The following ARAP2 variants were observed in gnomAD, a reference collection of about 807,000 sequenced individuals.
ARAP2 encodes ArfGAP with RhoGAP domain, ankyrin repeat and PH domain 2.
A neutral mutation model predicts 194.5 loss-of-function variants in ARAP2; 148 were observed. The ratio of observed to expected loss-of-function variants is 0.76; its 90% CI spans 0.67 to 0.87. The LOEUF (loss-of-function observed/expected upper bound fraction) is 0.87, where lower values mean the gene tolerates loss of function less well. ARAP2 is among the 40% of genes least tolerant of loss of function. The pLI is 0.00. For synonymous variants in ARAP2, 695 were observed against 683.5 expected, an observed-to-expected ratio of 1.02 and a Z score of -0.26; for missense variants, 2,128 against 1,989.7, an observed-to-expected ratio of 1.07 and a Z score of -1.32.
intron 27 of ARAP2, 71 bp downstream of exon 27, chr4:36,107,494 G>T: frequency 6.9e-7 from 1 of 1,444,574 alleles, no homozygotes; most frequent in Non-Finnish European, 9.3e-7. Flanking sequence ...AATATTACTT[G>T]TGCCATATTA....
chr4:36,153,657 G>A (rs1440368087), intron 15 of ARAP2, among the ~76,000 whole-genome samples: 1 of 152,182 alleles, frequency 6.6e-6, no homozygotes, highest in Non-Finnish European at 1.5e-5. Context: ...GAACTCCCCA[G>A]AGGTGACCCA....
chr4:36,067,981 C>T lies in ARAP2; in HGVS notation c.5041G>A (p.Glu1681Lys). 2 of 1,614,128 alleles carry T rather than the reference C, an allele frequency of 1.2e-6. No homozygotes were observed. Among genetic ancestry groups the T allele is most frequent in the Non-Finnish European group, 8.5e-7 (1 of 1,179,968 alleles). The change falls in exon 33 of 33, where the codon GAA becomes AAA. Residue 1681 changes from glutamate to lysine, a missense_variant. Physicochemically the swap from Glu to Lys is moderately conservative, Grantham distance 56 (BLOSUM62 1). Coordinates refer to ENST00000303965, the MANE Select transcript of ARAP2 (RefSeq NM_015230.4). ...CGTTGTAGAACCACATTAAGTTCTTCAATTACCCTTGATGGTAACTTATGA... is the reference window on the plus strand; with the variant it reads ...CGTTGTAGAACCACATTAAGTTCTTTAATTACCCTTGATGGTAACTTATGA... ...SDHKLPSRVI[E>K]ELNVVLQRSR...
At chr4:36,182,471 G>C (rs932361887) in intron 8 of ARAP2, among the ~76,000 whole-genome samples, 1 of 151,160 alleles carries the variant, frequency 6.6e-6, no homozygotes, top group Non-Finnish European at 1.5e-5. Flanking sequence ...ACTCCAGCCT[G>C]TGTGACAGAG....
chr4:36,180,275 C>T (rs574283528), intron 8 of ARAP2, among the ~76,000 whole-genome samples: 6 of 151,766 alleles, frequency 4.0e-5, no homozygotes, highest in South Asian at 2.1e-4. Flanking sequence ...TTCGTCCCCC[C>T]GCTCCCCCGC....
intron 10 of ARAP2, 38 bp downstream of exon 10, chr4:36,166,894 A>G (rs1360541286): frequency 6.1e-6 from 8 of 1,320,484 alleles, no homozygotes; most frequent in Non-Finnish European, 8.5e-6. Context: ...AAGCTTTCCT[A>G]TAGTAGTACG....
In ARAP2 at chr4:36,118,797, T is replaced by C. The variant is rs1005666308; in HGVS notation, c.3963+853A>G. Among the ~76,000 whole-genome samples, 20 of 151,458 alleles carry C rather than the reference T, an allele frequency of 1.3e-4. 1 individual carries two copies. The highest frequency in any genetic ancestry group is 4.4e-4 in the African/African-American group (18 of 41,376). On this transcript the variant is annotated intron_variant, in intron 24 of 32. Transcript: ENST00000303965. ...GCTGCATAATTACTCTGGGTCAAAATGGAGAAAATAATTCATTAATATCAT... is the reference window on the plus strand; with the variant it reads ...GCTGCATAATTACTCTGGGTCAAAACGGAGAAAATAATTCATTAATATCAT...
chr4:36,071,693 A>ATTTTTTTTTTTTTTTTT (rs55918222), intron 32 of ARAP2, among the ~76,000 whole-genome samples: 3 of 147,128 alleles, frequency 2.0e-5, no homozygotes, highest in Non-Finnish European at 3.0e-5. Flanking sequence ...TTTTTTTTTA[A>ATTTTTTTTTTTTTTTTT]TTTTTTTTCT....
intron 26 of ARAP2, among the ~76,000 whole-genome samples, chr4:36,110,453 GCCTATTT>G (rs1719652467): frequency 6.6e-6 from 1 of 151,894 alleles, no homozygotes; most frequent in African/African-American, 2.4e-5. Flanking sequence ...TCTCAGTGAA[GCCTATTT>G]AAATGAGGCC....
intron 2 of ARAP2, among the ~76,000 whole-genome samples, chr4:36,225,423 A>G (rs1358770098): frequency 6.6e-6 from 1 of 152,038 alleles, no homozygotes; most frequent in African/African-American, 2.4e-5. Flanking sequence ...TCCCATGGGC[A>G]ATGTGGCATC....
At chr4:36,140,636 T>C (rs968181944) in intron 19 of ARAP2, among the ~76,000 whole-genome samples, 9 of 151,664 alleles carry the variant, frequency 5.9e-5, no homozygotes, top group Non-Finnish European at 1.0e-4. Context: ...TTAGCTGCTA[T>C]AAAACACATT....
intron 15 of ARAP2, among the ~76,000 whole-genome samples, chr4:36,152,887 G>A (rs150978614): frequency 6.6e-6 from 1 of 152,338 alleles, no homozygotes; most frequent in East Asian, 1.9e-4. Context: ...TGGGAAACAA[G>A]ATTGCAGGTT....
At position 36,147,627 on chromosome 4, in the gene ARAP2, G is replaced by C. The variant is rs369650269; in HGVS notation, c.3120C>G (p.Asp1040Glu). ...GAAGGCAAAAATGCAAGCTGGATTT[G>C]TCCATAGCAAACCAGCCTTTTCTCC... Reference protein sequence around the residue: ...DQWRKGWFAMDKSSLHFCLQM... With the variant: ...DQWRKGWFAMEKSSLHFCLQM... The change falls in exon 18 of 33, where the codon GAC (aspartate) becomes GAG (glutamate). Residue 1040 changes from aspartate (D) to glutamate (E), a missense_variant. Coordinates refer to ENST00000303965, the MANE Select transcript of ARAP2 (RefSeq NM_015230.4). 2.5e-6 allele frequency: 4 copies of C among 1,613,502 alleles called. No homozygotes were observed. The highest frequency in any genetic ancestry group is 3.4e-6 in the Non-Finnish European group (4 of 1,179,698).
downstream of ARAP2, among the ~76,000 whole-genome samples, chr4:36,061,066 TA>T (rs199579166): frequency 8.7e-3 from 1,314 of 151,816 alleles, 14 homozygotes; most frequent in East Asian, 0.034. Context: ...GTTTTTTAAT[TA>T]AAAAAAAATT....
At chr4:36,065,696 T>C (rs935304347), downstream of ARAP2, 38 of 160,224 alleles carry the variant, frequency 2.4e-4, no homozygotes, top group African/African-American at 8.2e-4. Context: ...CTTGGCCTTC[T>C]CATGGTGTGG....
chr4:36,077,077 A>G (rs569173229), intron 31 of ARAP2, among the ~76,000 whole-genome samples: 1 of 152,094 alleles, frequency 6.6e-6, no homozygotes, highest in South Asian at 2.1e-4. Context: ...GCAGCCTGCA[A>G]TCTAGGAGCT....
intron 6 of ARAP2, among the ~76,000 whole-genome samples, chr4:36,198,332 G>A (rs886222046): frequency 6.6e-6 from 1 of 152,128 alleles, no homozygotes; most frequent in African/African-American, 2.4e-5. Context: ...CTGGTCCATG[G>A]GCAGTCATAG....
intron 5 of ARAP2, among the ~76,000 whole-genome samples, chr4:36,032,180 C>T (rs1719093674): frequency 6.6e-6 from 1 of 152,014 alleles, no homozygotes; most frequent in Non-Finnish European, 1.5e-5. Flanking sequence ...AACATCAAGG[C>T]TAGGGGATAG....
At chr4:36,013,698 T>C (rs1250609209) in intron 8 of ARAP2, among the ~76,000 whole-genome samples, 1 of 152,082 alleles carries the variant, frequency 6.6e-6, no homozygotes, top group African/African-American at 2.4e-5. Flanking sequence ...TAGAGAATAA[T>C]AACCTACCCA....
At chr4:36,188,155 T>A (rs1740992488) in intron 7 of ARAP2, among the ~76,000 whole-genome samples, 1 of 152,192 alleles carries the variant, frequency 6.6e-6, no homozygotes, top group Admixed American at 6.5e-5. Flanking sequence ...CATATAAATA[T>A]TACAAATTTT....
Sources: allele counts gnomAD v4.1 joint callset (sites outside exome capture counted in the v4.1 genomes callset), GRCh38; gene constraint gnomAD v4.1.1; transcripts MANE v1.5; gene names NCBI Gene and HGNC (gene_info 2026-07-23, HGNC 2026-07-21).